Variants in PASK observed in about 807,000 individuals in gnomAD.
The protein encoded by PASK is PAS domain containing serine/threonine kinase, also known as PAS domain-containing serine/threonine-protein kinase.
A neutral mutation model predicts 121.0 loss-of-function variants in PASK; 110 were observed. The observed-to-expected ratio is 0.91, with a 90% CI of 0.78 to 1.06. The LOEUF is 1.06. Among genes scored for constraint, PASK ranks in the 50% least tolerant of loss-of-function variants. PASK has a pLI of 0.00. For missense variants in PASK, 1,643 were observed against 1,702.3 expected, an observed-to-expected ratio of 0.97 and a Z score of 0.61; for synonymous variants, 686 against 717.8, an observed-to-expected ratio of 0.96 and a Z score of 0.71.
At chr2:241,136,876 C>G (rs1235804848) in intron 7 of PASK, 128 bp downstream of exon 7, 6 of 852,524 alleles carry the variant, frequency 7.0e-6, no homozygotes, top group South Asian at 1.4e-5. Flanking sequence ...ACCCAAGGTC[C>G]TTCCTGGGTA....
At chr2:241,134,304 TTAGTGC>T (rs1241815119) in intron 8 of PASK, 2 of 152,092 alleles carry the variant, frequency 1.3e-5, no homozygotes, top group Admixed American at 1.3e-4. Context: ...GGGAATATAA[TTAGTGC>T]TAGAGGAAAA....
At chr2:241,132,825 A>G in intron 9 of PASK, 49 bp downstream of exon 9, 1 of 1,450,034 alleles carries the variant, frequency 6.9e-7, no homozygotes, top group Non-Finnish European at 9.7e-7. Context: ...TTCACCTACC[A>G]TCTGTCTGGA....
chr2:241,108,404 G>A lies in PASK; in HGVS notation c.3534-104C>T. The stretch of plus-strand genomic sequence containing the variant: ...CCCTTCCCGACCAGCACACAGGCCA[G>A]GCAGTGGTTTCCCAAGAGGAGGGTC... On this transcript the variant is annotated intron_variant, in intron 15 of 17. Transcript: ENST00000234040. This position sits in a 1 kb window ranked among gnomAD's most constrained non-coding sequence, Gnocchi z 5.2. 3 of 1,197,098 alleles carry A rather than the reference G, an allele frequency of 2.5e-6. No individual in the cohort carries two copies. The highest frequency in any genetic ancestry group is 2.4e-5 in the East Asian group (1 of 41,446). 74.2% of individuals were successfully genotyped at this position (1,197,098 alleles called of 1,614,324 possible).
At chr2:241,138,596 G>A in intron 5 of PASK, 58 bp downstream of exon 5, 1 of 1,597,590 alleles carries the variant, frequency 6.3e-7, no homozygotes, top group African/African-American at 1.3e-5. Context: ...ACTTGCTGAA[G>A]AGGAGAACGA....
intron 12 of PASK, among the ~76,000 whole-genome samples, chr2:241,117,947 T>C (rs1408674072): frequency 1.3e-5 from 2 of 151,212 alleles, no homozygotes; most frequent in African/African-American, 2.5e-5. Context: ...TAATGGAGAC[T>C]TAACAAAAGA....
intron 4 of PASK, among the ~76,000 whole-genome samples, chr2:241,139,311 C>G (rs1316073987): frequency 1.3e-5 from 2 of 152,200 alleles, no homozygotes; most frequent in Non-Finnish European, 2.9e-5. Flanking sequence ...CGCTACTCCC[C>G]CAGTCCCCGA....
At chr2:241,120,925 T>G (rs1190099418) in intron 12 of PASK, among the ~76,000 whole-genome samples, 1 of 152,168 alleles carries the variant, frequency 6.6e-6, no homozygotes, top group Non-Finnish European at 1.5e-5. Context: ...AACACAAATG[T>G]CCATCAGCTG....
intron 12 of PASK, among the ~76,000 whole-genome samples, chr2:241,119,468 CTTTT>C (rs36113805): frequency 4.5e-5 from 6 of 134,232 alleles, no homozygotes; most frequent in Admixed American, 7.3e-5. Context: ...CAAGATGCTT[CTTTT>C]TTTTTTTTTT....
At chr2:241,130,049 G>A (rs182038838) in intron 9 of PASK, among the ~76,000 whole-genome samples, 92 of 152,318 alleles carry the variant, frequency 6.0e-4, no homozygotes, top group African/African-American at 1.9e-3. Context: ...AGCACCCAAC[G>A]TAGTCCCTAA....
intron 14 of PASK, chr2:241,113,602 G>C (rs1284528630): frequency 2.2e-6 from 1 of 451,670 alleles, no homozygotes; most frequent in Non-Finnish European, 2.9e-6. Context: ...AATCAGTCAG[G>C]ATCCAATCAG....
intron 5 of PASK, 46 bp downstream of exon 5, chr2:241,138,608 G>A (rs776206195): frequency 1.4e-5 from 22 of 1,609,662 alleles, no homozygotes; most frequent in South Asian, 3.3e-5. Flanking sequence ...GGAGAACGAC[G>A]CCGGCTCCAG....
intron 8 of PASK, 32 bp downstream of exon 8, chr2:241,135,839 C>G (rs748157551): frequency 1.6e-5 from 25 of 1,602,304 alleles, no homozygotes; most frequent in Non-Finnish European, 2.0e-5. Flanking sequence ...TCAGCAGCTA[C>G]AGGCGCATTC....
At chr2:241,138,939 C>A in intron 4 of PASK, 145 bp from the exon 5 acceptor site, 1 of 775,512 alleles carries the variant, frequency 1.3e-6, no homozygotes, top group Non-Finnish European at 2.2e-6. Flanking sequence ...AGAAATTTAC[C>A]AAAGCACAAA....
At chr2:241,149,649 G>A (rs2067188824), upstream of PASK, 5 of 1,541,298 alleles carry the variant, frequency 3.2e-6, no homozygotes, top group South Asian at 1.2e-5. Flanking sequence ...AAGGAATAAT[G>A]GGCGCCTCCG....
At position 241,112,222 on chromosome 2, in the gene PASK, CCGCAGCCGCAT is replaced by C; in HGVS notation, c.3533+7_3533+17del. On this transcript the variant is annotated splice_region_variant and intron_variant, in intron 15 of 17. Coordinates refer to ENST00000234040, the MANE Select transcript of PASK (RefSeq NM_015148.4). The surrounding 1 kb of genome is among the most constrained non-coding windows in gnomAD (Gnocchi z 5.2). Reference sequence around the variant, plus strand: ...ACAGAGGACACGAGGACGGGCCGCACCGCAGCCGCATACGTACGGATTCCCCATGAGAACTT... The same window carrying C: ...ACAGAGGACACGAGGACGGGCCGCACACGTACGGATTCCCCATGAGAACTT... The C allele has an allele frequency of 6.2e-7, 1 of 1,601,588 alleles. No homozygotes were observed. The highest frequency in any genetic ancestry group is 1.1e-5 in the South Asian group (1 of 90,850).
intron 8 of PASK, chr2:241,133,374 G>C: frequency 2.6e-6 from 1 of 386,066 alleles, no homozygotes; most frequent in Non-Finnish European, 5.0e-6. Flanking sequence ...CACTCCTCCA[G>C]GTCTCTCCAC....
intron 9 of PASK, among the ~76,000 whole-genome samples, chr2:241,129,209 G>A (rs1357917482): frequency 2.0e-5 from 3 of 152,134 alleles, no homozygotes; most frequent in Non-Finnish European, 4.4e-5. Flanking sequence ...AAAGAGTCTG[G>A]GCAACTTCTG....
At chr2:241,110,499 C>A (rs1437456443) in intron 15 of PASK, among the ~76,000 whole-genome samples, 1 of 152,204 alleles carries the variant, frequency 6.6e-6, no homozygotes, top group African/African-American at 2.4e-5. Context: ...GGCCCAGGAG[C>A]AGTACACCGC....
chr2:241,113,979 A>G (rs1308310954), intron 14 of PASK: 2 of 982,224 alleles, frequency 2.0e-6, no homozygotes, highest in Non-Finnish European at 2.4e-6. Flanking sequence ...AAAGGGGTAG[A>G]GATTCTTTTG....
Sources: gnomAD v4.1 joint callset for allele counts (sites outside exome capture counted in the v4.1 genomes callset) on GRCh38, gnomAD v4.1.1 for gene constraint, Gnocchi (gnomAD v3.1) non-coding constraint, MANE v1.5 for transcripts, NCBI Gene and HGNC (gene_info 2026-07-23, HGNC 2026-07-21) for gene names.